MCHR2: variants seen among roughly 807,000 people sequenced by gnomAD.
MCHR2 encodes the protein melanin concentrating hormone receptor 2.
Under a neutral mutation model 24.8 loss-of-function variants are expected in MCHR2, and 15 were observed. The ratio of observed to expected loss-of-function variants is 0.60; its 90% CI spans 0.40 to 0.93. The LOEUF (loss-of-function observed/expected upper bound fraction) is 0.93, where lower values mean the gene tolerates loss of function less well. Ranked by LOEUF, MCHR2 falls within the 40% of genes least tolerant of loss-of-function variation. MCHR2 has a pLI of 0.00. For missense variants in MCHR2, 386 were observed against 408.7 expected, an observed-to-expected ratio of 0.94 and a Z score of 0.48; for synonymous variants, 151 against 147.6, an observed-to-expected ratio of 1.02 and a Z score of -0.17.
In MCHR2 at chr6:99,920,280, C is replaced by T. The variant is rs560362899; in HGVS notation, c.*660G>A. On this transcript the variant is annotated 3_prime_UTR_variant, in exon 6 of 6. Coordinates refer to ENST00000281806, the MANE Select transcript of MCHR2 (RefSeq NM_001040179.2). ...GGTCGTGCAGTAGAAAAGAAACAGG[C>T]AGAGCTGAATGTTAGCTCAGCTCTT... 3.9e-5 allele frequency: 6 copies of T among 152,322 alleles called. No individual in the cohort carries two copies. The East Asian group carries it at 9.7e-4, about 25-fold the overall frequency. The allele number at this position is 152,322 out of a possible 1,614,324, so 9.4% of individuals were successfully genotyped here.
chr6:99,977,579 T>A (rs184918592), intron 1 of MCHR2, among the ~76,000 whole-genome samples: 274 of 152,272 alleles, frequency 1.8e-3, no homozygotes, highest in Non-Finnish European at 2.0e-3. Context: ...TGCATTGGTA[T>A]AAAGGCAAAT....
chr6:99,949,288 T>A (rs1290065494), intron 2 of MCHR2, among the ~76,000 whole-genome samples: 1 of 152,042 alleles, frequency 6.6e-6, no homozygotes, highest in Non-Finnish European at 1.5e-5. Flanking sequence ...CACATCACAA[T>A]TTGATGAGAG....
intron 1 of MCHR2, among the ~76,000 whole-genome samples, chr6:99,979,042 C>T (rs963562263): frequency 1.3e-4 from 20 of 151,936 alleles, no homozygotes; most frequent in African/African-American, 2.7e-4. Flanking sequence ...GGAGGTGGGG[C>T]GGAGGGAGGT....
chr6:99,983,657 C>T (rs573608989), intron 1 of MCHR2, among the ~76,000 whole-genome samples: 1 of 152,286 alleles, frequency 6.6e-6, no homozygotes, highest in Admixed American at 6.5e-5. Flanking sequence ...CTGGCAACAA[C>T]CAACATCATT....
chr6:99,971,295 C>T (rs1389206964), intron 1 of MCHR2, among the ~76,000 whole-genome samples: 69 of 150,588 alleles, frequency 4.6e-4, no homozygotes, highest in Non-Finnish European at 8.5e-4. Flanking sequence ...AAGTTGGATT[C>T]CTAGGTATTT....
intron 1 of MCHR2, among the ~76,000 whole-genome samples, chr6:99,977,450 G>A (rs998215853): frequency 6.6e-6 from 1 of 152,072 alleles, no homozygotes; most frequent in Non-Finnish European, 1.5e-5. Flanking sequence ...TCCTGAGACT[G>A]TTCACAGGAG....
chr6:99,921,774 T>G (rs1273443716), intron 5 of MCHR2, among the ~76,000 whole-genome samples: 2 of 152,068 alleles, frequency 1.3e-5, no homozygotes, highest in African/African-American at 4.8e-5. Flanking sequence ...CTCAGGCCCC[T>G]ACTACCCTTT....
intron 1 of MCHR2, among the ~76,000 whole-genome samples, chr6:99,992,945 A>T (rs1775912839): frequency 6.6e-6 from 1 of 152,176 alleles, no homozygotes; most frequent in African/African-American, 2.4e-5. Flanking sequence ...AGTTATACTA[A>T]CAAACAGGTT....
At chr6:99,961,134 AC>A (rs1354370686) in intron 1 of MCHR2, among the ~76,000 whole-genome samples, 1 of 151,938 alleles carries the variant, frequency 6.6e-6, no homozygotes, top group Non-Finnish European at 1.5e-5. Flanking sequence ...CAAGAAAAAA[AC>A]AACAACCCCA....
intron 5 of MCHR2, among the ~76,000 whole-genome samples, chr6:99,928,428 G>T (rs551771242): frequency 6.6e-4 from 101 of 152,110 alleles, no homozygotes; most frequent in Non-Finnish European, 1.3e-3. Flanking sequence ...GTTCCTCCTT[G>T]TACCTCTGGT....
chr6:99,991,209 A>T (rs1733186060), intron 1 of MCHR2, among the ~76,000 whole-genome samples: 1 of 152,166 alleles, frequency 6.6e-6, no homozygotes, highest in African/African-American at 2.4e-5. Context: ...AGGAGACCCT[A>T]GCGGTGAATA....
intron 5 of MCHR2, among the ~76,000 whole-genome samples, chr6:99,928,580 T>G (rs1032051314): frequency 6.6e-6 from 1 of 152,134 alleles, no homozygotes; most frequent in African/African-American, 2.4e-5. Context: ...GTGTATGTGT[T>G]GAGGAATTTA....
intron 1 of MCHR2, among the ~76,000 whole-genome samples, chr6:99,970,739 T>C (rs901725825): frequency 1.4e-4 from 22 of 152,224 alleles, no homozygotes; most frequent in African/African-American, 4.8e-4. Flanking sequence ...AATTTTTGTA[T>C]AAAGTGTAAG....
intron 5 of MCHR2, among the ~76,000 whole-genome samples, chr6:99,927,890 A>G (rs1031715032): frequency 1.3e-5 from 2 of 152,130 alleles, no homozygotes; most frequent in African/African-American, 4.8e-5. Context: ...AGGAGTGGTG[A>G]GAGAGGGCAT....
intron 4 of MCHR2, among the ~76,000 whole-genome samples, chr6:99,935,987 T>A (rs1042788571): frequency 3.9e-5 from 6 of 152,036 alleles, no homozygotes; most frequent in African/African-American, 1.2e-4. Flanking sequence ...TGGCCATTTA[T>A]ATGTCTTATT....
chr6:99,958,314 ATATT>A (rs1775108102), intron 1 of MCHR2, among the ~76,000 whole-genome samples: 1 of 152,112 alleles, frequency 6.6e-6, no homozygotes, highest in Non-Finnish European at 1.5e-5. Context: ...ATATAAATAT[ATATT>A]ATACATACAC....
chr6:99,921,931 C>T (rs561734150), intron 5 of MCHR2, among the ~76,000 whole-genome samples: 1 of 152,276 alleles, frequency 6.6e-6, no homozygotes, highest in East Asian at 1.9e-4. Context: ...TCAGTTCCAT[C>T]CATGTTCTTG....
intron 1 of MCHR2, among the ~76,000 whole-genome samples, chr6:99,957,045 CT>C (rs1775078130): frequency 6.6e-6 from 1 of 151,966 alleles, no homozygotes; most frequent in Admixed American, 6.6e-5. Context: ...TGGGCATTCC[CT>C]GGCTAGGTTT....
At chr6:99,941,936 A>C (rs1338856860) in intron 4 of MCHR2, among the ~76,000 whole-genome samples, 2 of 152,046 alleles carry the variant, frequency 1.3e-5, no homozygotes, top group African/African-American at 4.8e-5. Flanking sequence ...TGACTTATCT[A>C]TTTGACAAGT....
Sources: gnomAD v4.1 joint callset for allele counts (sites outside exome capture counted in the v4.1 genomes callset) on GRCh38, gnomAD v4.1.1 for gene constraint, MANE v1.5 for transcripts, NCBI Gene and HGNC (gene_info 2026-07-23, HGNC 2026-07-21) for gene names.